PARD3B: variants seen among roughly 807,000 people sequenced by gnomAD.
The protein encoded by PARD3B is partitioning defective 3 homolog B.
A neutral mutation model predicts 130.2 loss-of-function variants in PARD3B; 103 were observed. The observed-to-expected ratio is 0.79, with a 90% CI of 0.67 to 0.93. PARD3B has a LOEUF of 0.93. Among genes scored for constraint, PARD3B ranks in the 40% least tolerant of loss-of-function variants. The probability of loss-of-function intolerance (pLI) is 0.00; values close to 1 mark genes in which losing one functional copy is unlikely to be tolerated. For synonymous variants in PARD3B, 583 were observed against 553.2 expected (o/e 1.05, Z -0.76); for missense variants, 1,609 against 1,499.2 (o/e 1.07, Z -1.21).
intron 2 of PARD3B, among the ~76,000 whole-genome samples, chr2:204,963,599 C>A (rs920481158): frequency 6.6e-6 from 1 of 152,144 alleles, no homozygotes; most frequent in Non-Finnish European, 1.5e-5. Context: ...GAAAATCACA[C>A]ATCCACCACA....
chr2:204,751,483 A>T (rs2040465836), intron 2 of PARD3B, among the ~76,000 whole-genome samples: 1 of 152,202 alleles, frequency 6.6e-6, no homozygotes, highest in Non-Finnish European at 1.5e-5. Context: ...GAGAAATATT[A>T]GTTCTGCCTA....
intron 22 of PARD3B, among the ~76,000 whole-genome samples, chr2:205,600,045 C>T (rs1370273864): frequency 6.6e-6 from 1 of 152,184 alleles, no homozygotes; most frequent in East Asian, 1.9e-4. Flanking sequence ...TACAGTTCTG[C>T]ACTGCTGACC....
intron 13 of PARD3B, among the ~76,000 whole-genome samples, chr2:205,177,054 A>G (rs568430421): frequency 6.6e-6 from 1 of 152,142 alleles, no homozygotes; most frequent in East Asian, 1.9e-4. Context: ...GATGGTTGGA[A>G]TGTTCTTGTT....
chr2:204,972,417 T>C (rs1691791228), intron 3 of PARD3B, among the ~76,000 whole-genome samples: 1 of 152,178 alleles, frequency 6.6e-6, no homozygotes, highest in Admixed American at 6.5e-5. Flanking sequence ...ACAGAACTTG[T>C]ATTTTCATTT....
chr2:204,703,988 G>A (rs543308908), intron 2 of PARD3B, among the ~76,000 whole-genome samples: 5 of 152,030 alleles, frequency 3.3e-5, no homozygotes, highest in Non-Finnish European at 7.4e-5. Context: ...TATACATTTA[G>A]GAAATGATTT....
chr2:205,190,292 G>A (rs2036323486), intron 14 of PARD3B, among the ~76,000 whole-genome samples: 1 of 152,202 alleles, frequency 6.6e-6, no homozygotes. Context: ...ACATTGTTCA[G>A]TTGGGTAGAT....
At chr2:204,998,500 A>ATGTGTATATAATATATGTATATATG (rs1559342159) in intron 3 of PARD3B, among the ~76,000 whole-genome samples, 3 of 108,154 alleles carry the variant, frequency 2.8e-5, no homozygotes, top group East Asian at 2.1e-4. Context: ...ATGTATATAT[A>ATGTGTATATAATATATGTATATATG]TGTGTATATA....
intron 19 of PARD3B, among the ~76,000 whole-genome samples, chr2:205,423,881 T>G (rs1363088610): frequency 6.6e-6 from 1 of 152,042 alleles, no homozygotes; most frequent in Non-Finnish European, 1.5e-5. Flanking sequence ...AAGTGGGAAC[T>G]AAATGATGAG....
intron 15 of PARD3B, among the ~76,000 whole-genome samples, chr2:205,193,873 C>T (rs2125807744): frequency 6.6e-6 from 1 of 152,322 alleles, no homozygotes; most frequent in East Asian, 1.9e-4. Context: ...GCGTGCCACA[C>T]TGAGGGTGTC....
chr2:205,491,454 T>C (rs1386136763), intron 20 of PARD3B, among the ~76,000 whole-genome samples: 2 of 152,186 alleles, frequency 1.3e-5, no homozygotes, highest in Admixed American at 6.5e-5. Flanking sequence ...TCTGTTCTGT[T>C]CTATTGGTCT....
At chr2:204,977,790 T>G (rs1368345544) in intron 3 of PARD3B, among the ~76,000 whole-genome samples, 1 of 118,312 alleles carries the variant, frequency 8.5e-6, no homozygotes, top group Non-Finnish European at 1.6e-5. Context: ...CCAGCCTGGG[T>G]GACAGAGCGA....
chr2:204,899,290 C>G (rs1298325480), intron 2 of PARD3B, among the ~76,000 whole-genome samples: 3 of 135,982 alleles, frequency 2.2e-5, no homozygotes, highest in South Asian at 5.2e-4. Flanking sequence ...GTCTTCCTTC[C>G]TGTCTTCCTT....
intron 16 of PARD3B, among the ~76,000 whole-genome samples, chr2:205,295,820 A>G (rs868252723): frequency 6.6e-6 from 1 of 152,176 alleles, no homozygotes; most frequent in Non-Finnish European, 1.5e-5. Context: ...CTATTAATCT[A>G]TCTTATCACA....
chr2:205,270,840 G>A (rs747604355), intron 16 of PARD3B, among the ~76,000 whole-genome samples: 2 of 152,030 alleles, frequency 1.3e-5, no homozygotes, highest in Non-Finnish European at 2.9e-5. Flanking sequence ...ACCAGTAAAA[G>A]CTAAGGTCTT....
chr2:205,050,524 G>C (rs1461063400), intron 4 of PARD3B, among the ~76,000 whole-genome samples: 1 of 152,000 alleles, frequency 6.6e-6, no homozygotes, highest in Non-Finnish European at 1.5e-5. Context: ...CTCTTGAAAT[G>C]TGTCTGATCC....
intron 1 of PARD3B, among the ~76,000 whole-genome samples, chr2:204,572,424 G>A (rs1325257368): frequency 6.6e-6 from 1 of 152,162 alleles, no homozygotes; most frequent in African/African-American, 2.4e-5. Context: ...TAGCCTGGAA[G>A]GAAGCAGCCC....
At chr2:205,295,160 G>A (rs1414690512) in intron 16 of PARD3B, among the ~76,000 whole-genome samples, 1 of 152,146 alleles carries the variant, frequency 6.6e-6, no homozygotes, top group Non-Finnish European at 1.5e-5. Flanking sequence ...GAATAAAGTG[G>A]TATTGTGACT....
intron 2 of PARD3B, among the ~76,000 whole-genome samples, chr2:204,710,130 A>C (rs186511855): frequency 1.3e-5 from 2 of 152,344 alleles, no homozygotes; most frequent in East Asian, 3.9e-4. Context: ...AAAAGTGATC[A>C]GGTCTTCTTC....
chr2:205,425,550 TA>T (rs34514205), intron 19 of PARD3B, among the ~76,000 whole-genome samples: 119,720 of 134,742 alleles, frequency 0.89, 53,106 homozygotes, highest in East Asian at 0.97. Context: ...AGACTCGGTG[TA>T]AAAAAAAAAA....
Sources: gnomAD v4.1 joint callset for allele counts (sites outside exome capture counted in the v4.1 genomes callset) on GRCh38, gnomAD v4.1.1 for gene constraint, MANE v1.5 for transcripts, NCBI Gene and HGNC (gene_info 2026-07-23, HGNC 2026-07-21) for gene names.